The following CNBD1 variants were observed in gnomAD, a reference collection of about 807,000 sequenced individuals.
CNBD1 encodes cyclic nucleotide-binding domain-containing protein 1.
A neutral mutation model predicts 54.4 loss-of-function variants in CNBD1; 71 were observed. The observed-to-expected ratio is 1.30, with a 90% CI of 1.08 to 1.59. CNBD1 has a LOEUF of 1.59. CNBD1 is among the 40% of genes most tolerant of loss of function. The pLI is 0.00. For missense variants in CNBD1, 659 were observed against 518.0 expected (o/e 1.27, Z -2.64); for synonymous variants, 182 against 170.7 (o/e 1.07, Z -0.51).
intron 4 of CNBD1, among the ~76,000 whole-genome samples, chr8:87,036,027 G>A (rs945474637): frequency 6.6e-6 from 1 of 152,232 alleles, no homozygotes; most frequent in African/African-American, 2.4e-5. Flanking sequence ...CTAGGAGCAA[G>A]AGAAGTAGGG....
chr8:87,125,458 A>T (rs1655465865), intron 4 of CNBD1, among the ~76,000 whole-genome samples: 1 of 151,770 alleles, frequency 6.6e-6, no homozygotes. Flanking sequence ...CAGTATCCAA[A>T]ACCCATAAAT....
At chr8:87,427,836 T>A (rs992524055) in intron 2 of CNBD1, among the ~76,000 whole-genome samples, 1 of 152,184 alleles carries the variant, frequency 6.6e-6, no homozygotes, top group Non-Finnish European at 1.5e-5. Flanking sequence ...TTCAAGATGC[T>A]GCTGCATGCT....
intron 4 of CNBD1, among the ~76,000 whole-genome samples, chr8:87,035,886 A>C (rs952490757): frequency 5.9e-5 from 9 of 152,150 alleles, no homozygotes; most frequent in African/African-American, 1.9e-4. Context: ...CTTCAGCTCC[A>C]GATGTTACAT....
intron 5 of CNBD1, 75 bp from the exon 6 acceptor site, chr8:87,236,844 A>AAT (rs1348950291): frequency 6.2e-5 from 49 of 784,074 alleles, no homozygotes; most frequent in East Asian, 1.0e-4. Flanking sequence ...CCGTAAGTGT[A>AAT]ATATATATAT....
At chr8:87,364,134 C>T (rs1180401555) in intron 10 of CNBD1, among the ~76,000 whole-genome samples, 1 of 151,640 alleles carries the variant, frequency 6.6e-6, no homozygotes, top group Non-Finnish European at 1.5e-5. Context: ...ACTAGCTAAA[C>T]ATTTTGAACA....
intron 4 of CNBD1, among the ~76,000 whole-genome samples, chr8:86,974,156 T>A (rs80158401): frequency 0.019 from 2,915 of 152,154 alleles, 93 homozygotes; most frequent in African/African-American, 0.06. Context: ...TGAAGAAATA[T>A]TCAGCTTCAT....
At chr8:87,176,691 A>G (rs1191518109) in intron 4 of CNBD1, among the ~76,000 whole-genome samples, 2 of 145,016 alleles carry the variant, frequency 1.4e-5, no homozygotes, top group East Asian at 2.0e-4. Flanking sequence ...AGGTTTCTCC[A>G]TGTTGGCCAG....
Position 87,225,648 on chromosome 8 carries a change from G to T in CNBD1, c.578-11271G>T, listed in dbSNP as rs866760558. The stretch of plus-strand genomic sequence containing the variant: ...GCTGCTGGATTCGGTTTGCCAGTAT[G>T]TTATTGAGGATTTTTGCATCAATGT... On this transcript the variant is annotated intron_variant, in intron 5 of 10. Transcript: ENST00000518476. Among the ~76,000 whole-genome samples the T allele has an allele frequency of 4.6e-3, 703 of 152,204 alleles. 10 individuals carry two copies. The highest frequency in any genetic ancestry group is 0.024 in the South Asian group (116 of 4,824).
intron 5 of CNBD1, among the ~76,000 whole-genome samples, chr8:87,227,691 A>C (rs1241757588): frequency 3.4e-5 from 5 of 145,578 alleles, no homozygotes; most frequent in African/African-American, 5.3e-5. Context: ...CTTCATTTCA[A>C]CTTTGGTGAA....
At chr8:87,390,409 C>CAAACAA (rs1811283740) in intron 2 of CNBD1, among the ~76,000 whole-genome samples, 1 of 149,992 alleles carries the variant, frequency 6.7e-6, no homozygotes, top group Non-Finnish European at 1.5e-5. Context: ...CAAGAAAAAA[C>CAAACAA]CCCATCAAAA....
chr8:87,375,808 A>C (rs1277629689), intron 10 of CNBD1, among the ~76,000 whole-genome samples: 2 of 151,934 alleles, frequency 1.3e-5, no homozygotes, highest in Non-Finnish European at 2.9e-5. Flanking sequence ...TTGCAAAGGT[A>C]CACTGAATTC....
intron 5 of CNBD1, among the ~76,000 whole-genome samples, chr8:87,225,479 C>G (rs1329091425): frequency 2.0e-5 from 3 of 150,590 alleles, no homozygotes; most frequent in African/African-American, 7.3e-5. Flanking sequence ...AAGGCCTTTT[C>G]TGCATCTATT....
intron 3 of CNBD1, among the ~76,000 whole-genome samples, chr8:86,913,736 T>C (rs1260911121): frequency 1.3e-5 from 2 of 152,110 alleles, no homozygotes; most frequent in Non-Finnish European, 2.9e-5. Flanking sequence ...TGTGCACGCA[T>C]TGTCAGGGTT....
chr8:87,102,085 C>T (rs1811439318), intron 4 of CNBD1, among the ~76,000 whole-genome samples: 1 of 152,038 alleles, frequency 6.6e-6, no homozygotes, highest in Non-Finnish European at 1.5e-5. Context: ...GATGGGGTTT[C>T]ACTATGTTAA....
intron 6 of CNBD1, among the ~76,000 whole-genome samples, chr8:87,240,386 A>G (rs1164302004): frequency 6.6e-6 from 1 of 152,172 alleles, no homozygotes; most frequent in Non-Finnish European, 1.5e-5. Context: ...AGGGTAAATT[A>G]TAAAATAGTA....
intron 4 of CNBD1, among the ~76,000 whole-genome samples, chr8:87,082,693 T>C (rs189321361): frequency 2.0e-5 from 3 of 152,242 alleles, no homozygotes; most frequent in Admixed American, 2.0e-4. Context: ...AATCAGATAA[T>C]CTCTGTACTT....
chr8:87,082,877 A>G (rs1811024877), intron 4 of CNBD1, among the ~76,000 whole-genome samples: 3 of 152,238 alleles, frequency 2.0e-5, no homozygotes, highest in Middle Eastern at 6.8e-3. Context: ...AAATGATTCT[A>G]TTGCCTCATT....
intron 2 of CNBD1, among the ~76,000 whole-genome samples, chr8:86,890,635 A>AT (rs2131791814): frequency 6.6e-6 from 1 of 152,106 alleles, no homozygotes; most frequent in Admixed American, 6.5e-5. Context: ...TGTTAATTCT[A>AT]TTTTTAGTCT....
chr8:87,417,679 G>T (rs1209827073), intron 2 of CNBD1, among the ~76,000 whole-genome samples: 1 of 151,764 alleles, frequency 6.6e-6, no homozygotes, highest in East Asian at 1.9e-4. Context: ...AAAATCAATT[G>T]TATTTCTATA....
Sources: allele counts gnomAD v4.1 joint callset (sites outside exome capture counted in the v4.1 genomes callset), GRCh38; gene constraint gnomAD v4.1.1; transcripts MANE v1.5; gene names NCBI Gene and HGNC (gene_info 2026-07-23, HGNC 2026-07-21).